The following SNX29 variants were observed in gnomAD, a reference collection of about 807,000 sequenced individuals.
SNX29 encodes the protein sorting nexin 29.
A neutral mutation model predicts 102.1 loss-of-function variants in SNX29; 78 were observed. That is an observed-to-expected ratio of 0.76 (90% confidence interval 0.64 to 0.92). SNX29 has a LOEUF of 0.92. SNX29 is among the 40% of genes least tolerant of loss of function. The pLI, the probability that SNX29 is intolerant of heterozygous loss-of-function variation, is 0.00. For synonymous variants in SNX29, 580 were observed against 414.5 expected, an observed-to-expected ratio of 1.40 and a Z score of -4.85; for missense variants, 1,280 against 1,061.7, an observed-to-expected ratio of 1.21 and a Z score of -2.86.
chr16:12,331,044 C>T (rs2081277766), intron 15 of SNX29, among the ~76,000 whole-genome samples: 1 of 152,220 alleles, frequency 6.6e-6, no homozygotes, highest in South Asian at 2.1e-4. Flanking sequence ...AACTACAGTT[C>T]CTTGCTTCAG....
Position 12,342,854 on chromosome 16 carries a change from G to A in SNX29, c.1783-13309G>A, listed in dbSNP as rs149952703. 2.4e-3 allele frequency among the ~76,000 whole-genome samples: 372 copies of A among 152,266 alleles called. 3 individuals carry two copies. The highest frequency in any genetic ancestry group is 3.0e-3 in the Non-Finnish European group (201 of 68,038). On this transcript the variant is annotated intron_variant, in intron 15 of 20. Transcript: ENST00000566228. The stretch of plus-strand genomic sequence containing the variant: ...CACATTTGAGCACAGTCTTCCCTCT[G>A]TCCAGGTGCTGGTGTTCATGAATTA...
chr16:12,430,361 T>A (rs1037985684), intron 18 of SNX29, among the ~76,000 whole-genome samples: 1 of 152,218 alleles, frequency 6.6e-6, no homozygotes, highest in African/African-American at 2.4e-5. Context: ...ACTGTGAGGT[T>A]CCCGGCCTTG....
intron 19 of SNX29, among the ~76,000 whole-genome samples, chr16:12,503,768 C>G (rs2151900021): frequency 6.6e-6 from 1 of 152,294 alleles, no homozygotes; most frequent in South Asian, 2.1e-4. Flanking sequence ...CAGGCCCAGA[C>G]TTATTATGGC....
chr16:12,530,859 T>G (rs1289762648), intron 20 of SNX29, among the ~76,000 whole-genome samples: 1 of 152,204 alleles, frequency 6.6e-6, no homozygotes, highest in African/African-American at 2.4e-5. Context: ...CCTGGCCACC[T>G]TTCTTAATTT....
At chr16:12,299,887 T>A (rs567687017) in intron 15 of SNX29, among the ~76,000 whole-genome samples, 11 of 152,114 alleles carry the variant, frequency 7.2e-5, no homozygotes, top group Non-Finnish European at 1.5e-4. Context: ...TTTTCTTTCT[T>A]TGAGATCGAG....
At chr16:12,014,912 T>C (rs564241166) in intron 3 of SNX29, among the ~76,000 whole-genome samples, 1 of 152,264 alleles carries the variant, frequency 6.6e-6, no homozygotes, top group South Asian at 2.1e-4. Context: ...AACTGCTGCC[T>C]TGTGAGTTAT....
At chr16:12,468,824 A>C (rs1184554427) in intron 18 of SNX29, among the ~76,000 whole-genome samples, 1 of 152,244 alleles carries the variant, frequency 6.6e-6, no homozygotes, top group Non-Finnish European at 1.5e-5. Flanking sequence ...ACACACCCTC[A>C]ACCTAGCATC....
chr16:12,566,652 C>A (rs768354514), intron 20 of SNX29, among the ~76,000 whole-genome samples: 2 of 152,154 alleles, frequency 1.3e-5, no homozygotes, highest in Non-Finnish European at 2.9e-5. Flanking sequence ...CATCTTTGAA[C>A]CATCCTCTAA....
At chr16:12,408,181 A>ATAGAAAAC (rs1555530446) in intron 18 of SNX29, among the ~76,000 whole-genome samples, 1 of 148,664 alleles carries the variant, frequency 6.7e-6, no homozygotes, top group African/African-American at 2.5e-5. Flanking sequence ...AACAAACAAA[A>ATAGAAAAC]AAAAAACTAG....
At chr16:12,370,659 TC>T (rs960378428) in intron 16 of SNX29, among the ~76,000 whole-genome samples, 39 of 152,216 alleles carry the variant, frequency 2.6e-4, no homozygotes, top group African/African-American at 8.7e-4. Context: ...AAGGGCATCT[TC>T]CGGCGTGTTC....
intron 11 of SNX29, chr16:12,095,174 A>G (rs371579488): frequency 1.2e-4 from 19 of 152,362 alleles, no homozygotes; most frequent in African/African-American, 4.6e-4. Context: ...GATCTTAATC[A>G]AAATTCATTC....
chr16:12,476,723 A>C (rs775540668), intron 18 of SNX29, among the ~76,000 whole-genome samples: 2 of 151,954 alleles, frequency 1.3e-5, no homozygotes, highest in Non-Finnish European at 2.9e-5. Flanking sequence ...TTTAGTCTCT[A>C]GTCCTTCCTC....
chr16:12,297,891 C>T (rs990236281), intron 15 of SNX29, among the ~76,000 whole-genome samples: 1 of 152,172 alleles, frequency 6.6e-6, no homozygotes, highest in Non-Finnish European at 1.5e-5. Context: ...ACTTATGGGC[C>T]AGGCGCTGTG....
intron 16 of SNX29, among the ~76,000 whole-genome samples, chr16:12,377,682 T>C (rs1445268389): frequency 6.6e-6 from 1 of 152,146 alleles, no homozygotes; most frequent in East Asian, 1.9e-4. Context: ...ACGGTGGTGA[T>C]GGGAATGATG....
intron 20 of SNX29, among the ~76,000 whole-genome samples, chr16:12,541,261 G>A (rs920965734): frequency 3.9e-5 from 6 of 152,158 alleles, no homozygotes; most frequent in South Asian, 4.1e-4. Flanking sequence ...TTATCAGGGA[G>A]AGAATGACAG....
At chr16:12,206,101 G>A (rs576649360) in intron 14 of SNX29, among the ~76,000 whole-genome samples, 38 of 152,236 alleles carry the variant, frequency 2.5e-4, no homozygotes, top group Non-Finnish European at 2.9e-4. Context: ...TCTCCTGATC[G>A]TGTGTGGTTT....
intron 20 of SNX29, among the ~76,000 whole-genome samples, chr16:12,558,703 C>A (rs571769276): frequency 2.0e-5 from 3 of 152,168 alleles, no homozygotes; most frequent in Non-Finnish European, 4.4e-5. Flanking sequence ...CACCCCCATC[C>A]CGTTTCTACG....
chr16:12,228,461 C>G (rs542189966), intron 14 of SNX29, among the ~76,000 whole-genome samples: 42 of 152,330 alleles, frequency 2.8e-4, no homozygotes, highest in African/African-American at 1.0e-3. Context: ...GCATCCTGCT[C>G]TCTCTGCCTC....
chr16:12,255,273 G>C (rs1381121597), intron 14 of SNX29, among the ~76,000 whole-genome samples: 8 of 152,022 alleles, frequency 5.3e-5, no homozygotes. Context: ...TCGGCTCACT[G>C]CCACCTCTGC....
Sources: allele counts gnomAD v4.1 joint callset (sites outside exome capture counted in the v4.1 genomes callset), GRCh38; gene constraint gnomAD v4.1.1; transcripts MANE v1.5; gene names NCBI Gene and HGNC (gene_info 2026-07-23, HGNC 2026-07-21).